The following SAMD14 variants were observed in gnomAD, a reference collection of about 807,000 sequenced individuals.
SAMD14 encodes sterile alpha motif domain containing 14.
In SAMD14, 27 loss-of-function variants were observed where a neutral mutation model predicts 46.2. The ratio of observed to expected loss-of-function variants is 0.58; its 90% CI spans 0.43 to 0.81. The LOEUF is 0.81. SAMD14 is among the 30% of genes least tolerant of loss of function. The pLI is 0.00. For missense variants in SAMD14, 559 were observed against 582.2 expected (o/e 0.96, Z 0.41); for synonymous variants, 241 against 254.3 (o/e 0.95, Z 0.50).
rs1247833206 is a variant in SAMD14, at chr17:50,110,937, T to C, written c.*1956A>G. On this transcript the variant is annotated 3_prime_UTR_variant, in exon 10 of 10. Transcript: ENST00000330175. ...GACCTTCTGTGTATATAGTTAGTTT[T>C]ATAACCCTGAATGCCCCCACCCTTC... is the stretch of plus-strand genomic sequence containing the variant. 6.6e-6 allele frequency: 1 copy of C among 152,242 alleles called. No homozygotes were observed. The highest frequency in any genetic ancestry group is 1.5e-5 in the Non-Finnish European group (1 of 68,068). 9.4% of individuals were successfully genotyped at this position (152,242 alleles called of 1,614,324 possible). A position where few individuals can be genotyped will look rare whatever the true frequency, so the allele number is the denominator to read the frequency against.
chr17:50,124,771 G>GCACACGCA (rs1555563140), intron 2 of SAMD14, 146 bp downstream of exon 2: 27 of 569,594 alleles, frequency 4.7e-5, no homozygotes, highest in Non-Finnish European at 8.5e-5. Flanking sequence ...ACGCGCGCGC[G>GCACACGCA]CACACACACA....
chr17:50,124,771 G>GTGCGCACA (rs1555563139), intron 2 of SAMD14, 146 bp downstream of exon 2: 8 of 569,596 alleles, frequency 1.4e-5, no homozygotes, highest in Non-Finnish European at 2.5e-5. Context: ...ACGCGCGCGC[G>GTGCGCACA]CACACACACA....
intron 4 of SAMD14, among the ~76,000 whole-genome samples, chr17:50,117,059 C>G (rs1911242884): frequency 6.6e-6 from 1 of 152,168 alleles, no homozygotes; most frequent in Non-Finnish European, 1.5e-5. Flanking sequence ...CTATGTTGCC[C>G]AGGCTGGTCT....
chr17:50,113,530 T>C, intron 9 of SAMD14: 1 of 277,246 alleles, frequency 3.6e-6, no homozygotes, highest in East Asian at 9.2e-5. Context: ...TCCTACAGCC[T>C]CCCCCTGCCC....
At chr17:50,118,448 T>C (rs1046697460) in intron 2 of SAMD14, 121 bp from the exon 3 acceptor site, 2 of 1,204,626 alleles carry the variant, frequency 1.7e-6, no homozygotes, top group Admixed American at 2.3e-5. Flanking sequence ...TCTTGAGTGC[T>C]GGGAGCACAG....
At chr17:50,125,834 A>C (rs934131910) in intron 1 of SAMD14, among the ~76,000 whole-genome samples, 12 of 152,186 alleles carry the variant, frequency 7.9e-5, no homozygotes, top group Non-Finnish European at 1.5e-4. Context: ...CGAGGAATAC[A>C]CACAGCACAC....
intron 1 of SAMD14, chr17:50,125,207 A>G: frequency 1.9e-6 from 1 of 513,598 alleles, no homozygotes; most frequent in African/African-American, 1.9e-5. Flanking sequence ...ACCAAGGCAC[A>G]GACACAGGCT....
chr17:50,124,771 G>GCGCACACGCA, intron 2 of SAMD14, 146 bp downstream of exon 2: 1 of 567,466 alleles, frequency 1.8e-6, no homozygotes, highest in East Asian at 3.5e-5. Flanking sequence ...ACGCGCGCGC[G>GCGCACACGCA]CACACACACA....
Position 50,124,944 on chromosome 17 carries a change from G to A in SAMD14, c.16C>T (p.Leu6Phe), listed in dbSNP as rs1275982939. Residue 6 changes from leucine to phenylalanine, a missense_variant, in exon 2 of 10, where the codon CTC (leucine) becomes TTC (phenylalanine). Leu to Phe is a conservative substitution (Grantham distance 22). Transcript: ENST00000330175. ...AAAACTTCATCCACGGGTTCTCGGA[G>A]CTTTGAAGAAGCCATGACTCAAGAG... MASSK[L>F]REPVDEVFDL... 1 of 1,614,084 alleles carries A rather than the reference G, an allele frequency of 6.2e-7. No homozygotes were observed. The highest frequency in any genetic ancestry group is 2.2e-5 in the East Asian group (1 of 44,876).
chr17:50,123,829 T>G (rs1598233141), intron 2 of SAMD14, among the ~76,000 whole-genome samples: 1 of 149,616 alleles, frequency 6.7e-6, no homozygotes, highest in Non-Finnish European at 1.5e-5. Context: ...GGTAGGGAGG[T>G]TGGGGAGTAG....
chr17:50,114,269 C>G lies in SAMD14; in HGVS notation c.860G>C (p.Ser287Thr). 6.2e-7 allele frequency: 1 copy of G among 1,614,066 alleles called. No homozygotes were observed. The highest frequency in any genetic ancestry group is 8.5e-7 in the Non-Finnish European group (1 of 1,180,002). ...GGGCCCACTGGGGATCTTGGGGCTG[C>G]TGCTGGGGGGCGTGGAGTCATCACT... ...TLSDDSTPPS[S>T]SPKIPSGPWQ... The change falls in exon 8 of 10, where the codon AGC (serine) becomes ACC (threonine). Residue 287 changes from serine to threonine, a missense_variant. Ser to Thr is a moderately conservative substitution (Grantham distance 58). Coordinates refer to ENST00000330175, the MANE Select transcript of SAMD14 (RefSeq NM_001257359.2).
intron 2 of SAMD14, chr17:50,124,274 AC>A (rs1466727754): frequency 2.3e-6 from 1 of 432,740 alleles, no homozygotes; most frequent in Admixed American, 2.4e-5. Flanking sequence ...GTGTGCATGC[AC>A]CCCAGTGTGT....
chr17:50,114,585 A>ATGATAG, intron 7 of SAMD14: 1 of 517,238 alleles, frequency 1.9e-6, no homozygotes, highest in Non-Finnish European at 3.0e-6. Flanking sequence ...CACTTCCTAC[A>ATGATAG]GGCAGACCAC....
Position 50,124,771 on chromosome 17 carries a change from G to GCACGCACACA in SAMD14, c.43+145_43+146insTGTGTGCGTG, listed in dbSNP as rs1555563138. 1.8e-4 allele frequency: 102 copies of GCACGCACACA among 569,648 alleles called. No homozygotes were observed. In the African/African-American group the frequency reaches 1.8e-3, roughly 10 times the overall value. 35.3% of individuals were successfully genotyped at this position (569,648 alleles called of 1,614,324 possible). On this transcript the variant is annotated intron_variant, in intron 2 of 9. Transcript: ENST00000330175. Reference sequence around the variant, plus strand: ...TACCTGCACGCGTGCACGCGCGCGCGCACACACACACACACACACACACAC... The same window carrying GCACGCACACA: ...TACCTGCACGCGTGCACGCGCGCGCGCACGCACACACACACACACACACACACACACACAC...
At chr17:50,125,293 C>T (rs1725613065) in intron 1 of SAMD14, 2 of 329,106 alleles carry the variant, frequency 6.1e-6, no homozygotes, top group Non-Finnish European at 1.2e-5. Flanking sequence ...TTCTCCCCTT[C>T]ACTGTCTTGG....
intron 1 of SAMD14, among the ~76,000 whole-genome samples, chr17:50,125,537 A>G (rs1567723440): frequency 6.6e-6 from 1 of 151,822 alleles, no homozygotes; most frequent in South Asian, 2.1e-4. Flanking sequence ...CTACTTGCCT[A>G]CTCATCATCC....
rs770346713 is a variant in SAMD14 at position 50,110,060 on chromosome 17, C to G, written c.*2833G>C. ...GCCGGCGACTGGTGTGTGCCCAGCACGGAGCCCAAGAACACGTCCACGTAC... is the reference window on the plus strand; with the variant it reads ...GCCGGCGACTGGTGTGTGCCCAGCAGGGAGCCCAAGAACACGTCCACGTAC... On this transcript the variant is annotated 3_prime_UTR_variant, in exon 10 of 10. Coordinates refer to ENST00000330175, the MANE Select transcript of SAMD14 (RefSeq NM_001257359.2). 1.9e-6 allele frequency: 3 copies of G among 1,611,164 alleles called. No individual in the cohort carries two copies. The highest frequency in any genetic ancestry group is 2.5e-6 in the Non-Finnish European group (3 of 1,178,772).
chr17:50,114,651 T>TA, intron 7 of SAMD14: 3 of 527,448 alleles, frequency 5.7e-6, no homozygotes, highest in Non-Finnish European at 9.9e-6. Context: ...CGCCTGGCCT[T>TA]AGTACCCCAG....
chr17:50,112,843 G>A lies in SAMD14; in HGVS notation c.*50C>T, dbSNP rs375054249. ...AGCCTCCCTGGTGAGGCCTGTGCCC[G>A]CGGAGCCAGTGGCTGCCCCTGCCGG... On this transcript the variant is annotated 3_prime_UTR_variant, in exon 10 of 10. Coordinates refer to ENST00000330175, the MANE Select transcript of SAMD14 (RefSeq NM_001257359.2). The A allele has an allele frequency of 2.3e-5, 36 of 1,572,216 alleles. No homozygotes were observed. The highest frequency in any genetic ancestry group is 5.4e-5 in the African/African-American group (4 of 73,776).
Sources: allele counts gnomAD v4.1 joint callset (sites outside exome capture counted in the v4.1 genomes callset), GRCh38; gene constraint gnomAD v4.1.1; transcripts MANE v1.5; gene names NCBI Gene and HGNC (gene_info 2026-07-23, HGNC 2026-07-21).